Variants in PTPRA observed in about 807,000 individuals in gnomAD.
The protein encoded by PTPRA is receptor-type tyrosine-protein phosphatase alpha.
Under a neutral mutation model 104.8 loss-of-function variants are expected in PTPRA, and 25 were observed. The observed-to-expected ratio is 0.24, with a 90% CI of 0.17 to 0.33. PTPRA has a LOEUF of 0.33. Ranked by LOEUF, PTPRA falls within the 10% of genes least tolerant of loss-of-function variation. PTPRA has a pLI of 1.00. For missense variants in PTPRA, 765 were observed against 1,015.3 expected (o/e 0.75, Z 3.35); for synonymous variants, 323 against 368.9 (o/e 0.88, Z 1.43).
At chr20:2,871,174 G>A (rs1438223957), upstream of PTPRA, among the ~76,000 whole-genome samples, 1 of 152,144 alleles carries the variant, frequency 6.6e-6, no homozygotes, top group Non-Finnish European at 1.5e-5. Context: ...CCCCACAAAT[G>A]CTTTGACCAT....
the PTPRA span, chr20:2,865,590 C>G: frequency 1.3e-5 from 15 of 1,160,846 alleles, no homozygotes; most frequent in Non-Finnish European, 1.8e-5. This position sits in a 1 kb window ranked among gnomAD's most constrained non-coding sequence, Gnocchi z 5.2. Context: ...CCCGTTCATG[C>G]TCCTGTTCAG....
chr20:3,025,519 C>T (rs1220397378), intron 17 of PTPRA, among the ~76,000 whole-genome samples: 1 of 150,406 alleles, frequency 6.6e-6, no homozygotes, highest in Non-Finnish European at 1.5e-5. Context: ...GGGAGGACCA[C>T]TTAGAGAAGT....
chr20:3,018,199 G>A (rs490705), intron 13 of PTPRA, among the ~76,000 whole-genome samples: 94,161 of 151,698 alleles, frequency 0.62, 31,109 homozygotes, highest in African/African-American at 0.85. Context: ...AGCCACAGAG[G>A]GGTTTTTTTT....
intron 1 of PTPRA, among the ~76,000 whole-genome samples, chr20:2,885,790 G>T (rs2090346966): frequency 6.6e-6 from 1 of 152,216 alleles, no homozygotes; most frequent in South Asian, 2.1e-4. Flanking sequence ...TTGAGGCTGG[G>T]CGTGGTGGCC....
chr20:2,915,075 C>A (rs889832660), intron 1 of PTPRA, among the ~76,000 whole-genome samples: 7 of 150,592 alleles, frequency 4.6e-5, no homozygotes, highest in Admixed American at 2.0e-4. Flanking sequence ...GTACTTCATT[C>A]TTCTTCTTTT....
At chr20:2,910,566 C>CA (rs1176088580) in intron 1 of PTPRA, among the ~76,000 whole-genome samples, 1 of 91,840 alleles carries the variant, frequency 1.1e-5, no homozygotes, top group African/African-American at 4.4e-5. Context: ...TGTGTGCTAT[C>CA]ATGCCCAGCT....
chr20:2,877,182 A>G (rs1215261957), intron 1 of PTPRA, among the ~76,000 whole-genome samples: 1 of 152,238 alleles, frequency 6.6e-6, no homozygotes, highest in Non-Finnish European at 1.5e-5. Flanking sequence ...CCAAATATAG[A>G]ATCTTGTCAT....
chr20:2,894,708 C>T (rs1414729342), intron 1 of PTPRA, among the ~76,000 whole-genome samples: 1 of 151,998 alleles, frequency 6.6e-6, no homozygotes, highest in Non-Finnish European at 1.5e-5. Context: ...GTTTGAGAGC[C>T]AGGCCTGGTG....
intron 5 of PTPRA, among the ~76,000 whole-genome samples, chr20:2,966,006 CTCTT>C (rs1198964314): frequency 6.6e-6 from 1 of 152,202 alleles, no homozygotes; most frequent in Non-Finnish European, 1.5e-5. Flanking sequence ...GCAAAAATCA[CTCTT>C]TCCTCTTCTG....
chr20:2,987,481 C>T (rs1225750180), intron 7 of PTPRA, among the ~76,000 whole-genome samples: 2 of 152,004 alleles, frequency 1.3e-5, no homozygotes, highest in African/African-American at 4.8e-5. Flanking sequence ...TGGATTTAGC[C>T]CTGCCTTATC....
chr20:2,903,395 T>C (rs529340194), intron 1 of PTPRA, among the ~76,000 whole-genome samples: 45 of 152,218 alleles, frequency 3.0e-4, no homozygotes, highest in Admixed American at 9.8e-4. Context: ...ATATAAGAAA[T>C]AGAATTATTG....
chr20:3,000,120 C>CAAAAAAATACA (rs2063565936), intron 9 of PTPRA, among the ~76,000 whole-genome samples: 2 of 151,620 alleles, frequency 1.3e-5, no homozygotes, highest in African/African-American at 4.8e-5. Context: ...CCTGTCTCTA[C>CAAAAAAATACA]AAAAAAATAC....
At chr20:3,005,185 T>G in intron 10 of PTPRA, 39 bp downstream of exon 10, 1 of 1,518,350 alleles carries the variant, frequency 6.6e-7, no homozygotes. Flanking sequence ...TAACCTGAAA[T>G]TACATCTCTG....
intron 20 of PTPRA, among the ~76,000 whole-genome samples, chr20:3,029,774 T>C (rs1309163720): frequency 3.3e-5 from 5 of 152,006 alleles, no homozygotes. Flanking sequence ...GTTATCTGCC[T>C]GACTCAGCCT....
intron 2 of PTPRA, among the ~76,000 whole-genome samples, chr20:2,945,674 A>T (rs1247285627): frequency 5.3e-5 from 8 of 151,704 alleles, no homozygotes; most frequent in Non-Finnish European, 1.2e-4. Context: ...TACACCTGTA[A>T]TCCCAGCACT....
chr20:2,889,044 T>C (rs564054417), intron 1 of PTPRA, among the ~76,000 whole-genome samples: 12 of 152,224 alleles, frequency 7.9e-5, no homozygotes, highest in Non-Finnish European at 1.6e-4. Flanking sequence ...GGGCTTTTGT[T>C]GAGCAAGTAG....
At position 2,955,552 on chromosome 20, in the gene PTPRA, T is replaced by A. The variant is rs908321501; in HGVS notation, c.-7+7528T>A. 6.9e-6 allele frequency: 6 copies of A among 874,018 alleles called. No individual in the cohort carries two copies. The African/African-American group carries it at 1.1e-4, about 16-fold the overall frequency. The allele number at this position is 874,018 out of a possible 1,614,324, so 54.1% of individuals were successfully genotyped here. On this transcript the variant is annotated intron_variant, in intron 3 of 23. Coordinates refer to ENST00000399903, the MANE Select transcript of PTPRA (RefSeq NM_001385305.1). ...TCTTCTCTTGTTTTGGACTTCTCTATCACATTGCCTTTCTCAAGAGAAGAC... is the reference window on the plus strand; with the variant it reads ...TCTTCTCTTGTTTTGGACTTCTCTAACACATTGCCTTTCTCAAGAGAAGAC...
intron 10 of PTPRA, 106 bp downstream of exon 10, chr20:3,005,252 C>A: frequency 8.9e-7 from 1 of 1,122,834 alleles, no homozygotes; most frequent in Non-Finnish European, 1.3e-6. Flanking sequence ...GGGTGAATAA[C>A]AAGAGTGCGT....
At position 2,964,924 on chromosome 20, in the gene PTPRA, A is replaced by G. The variant is rs1286433127; in HGVS notation, c.137A>G (p.Glu46Gly). The G allele has an allele frequency of 6.2e-7, 1 of 1,614,142 alleles. No individual in the cohort carries two copies. Among genetic ancestry groups the G allele is most frequent in the Non-Finnish European group, 8.5e-7 (1 of 1,179,966 alleles). ...NSSTAEPVKE[E>G]AKTSNPTSSL... is the part of the protein sequence containing the mutation. ...TCAACGGCAGAACCAGTTAAAGAAG[A>G]GGCCAAAACTTCAAATCCAACTTCT... The change falls in exon 5 of 24, where the codon GAG (glutamate) becomes GGG (glycine). Residue 46 changes from glutamate (E) to glycine (G), a missense_variant. This residue lies in a region of PTPRA where 256 missense variants were observed against 248.9 expected (regional missense o/e 1.03). Transcript: ENST00000399903.
Sources: gnomAD v4.1 joint callset for allele counts (sites outside exome capture counted in the v4.1 genomes callset) on GRCh38, gnomAD v4.1.1 for gene constraint, gnomAD v4.1.1 regional missense constraint, Gnocchi (gnomAD v3.1) non-coding constraint, MANE v1.5 for transcripts, NCBI Gene and HGNC (gene_info 2026-07-23, HGNC 2026-07-21) for gene names.